CTBP2: variants seen among roughly 807,000 people sequenced by gnomAD.
The protein encoded by CTBP2 is C-terminal-binding protein 2.
A neutral mutation model predicts 80.3 loss-of-function variants in CTBP2; 30 were observed. The observed-to-expected ratio is 0.37, with a 90% CI of 0.28 to 0.51. The LOEUF (loss-of-function observed/expected upper bound fraction) is 0.51. Among genes scored for constraint, CTBP2 ranks in the 20% least tolerant of loss-of-function variants. The pLI, the probability that CTBP2 is intolerant of heterozygous loss-of-function variation, is 0.93. For missense variants in CTBP2, 1,212 were observed against 1,375.3 expected (o/e 0.88, Z 1.88); for synonymous variants, 594 against 587.4 (o/e 1.01, Z -0.16).
chr10:125,038,074 C>T (rs1055327502), intron 3 of CTBP2, among the ~76,000 whole-genome samples: 2 of 152,186 alleles, frequency 1.3e-5, no homozygotes, highest in Non-Finnish European at 2.9e-5. Context: ...GTTCTTGCAG[C>T]GCAGAGTTCT....
chr10:125,053,733 C>G (rs1019691932), intron 2 of CTBP2, among the ~76,000 whole-genome samples: 2 of 152,082 alleles, frequency 1.3e-5, no homozygotes, highest in South Asian at 4.1e-4. Context: ...AGCCCAGAGC[C>G]GAAGGTGTAG....
chr10:125,091,585 C>A (rs1041455504), intron 2 of CTBP2, among the ~76,000 whole-genome samples: 1 of 152,118 alleles, frequency 6.6e-6, no homozygotes, highest in Non-Finnish European at 1.5e-5. Context: ...CCAGTCTGGG[C>A]AACACAGGGA....
At chr10:125,156,720 T>C (rs539391455) in intron 1 of CTBP2, among the ~76,000 whole-genome samples, 1 of 152,340 alleles carries the variant, frequency 6.6e-6, no homozygotes, top group South Asian at 2.1e-4. Flanking sequence ...ACTCAGAAAC[T>C]AAAAAGTTGT....
chr10:125,111,325 GC>G (rs2135931002), intron 1 of CTBP2, among the ~76,000 whole-genome samples: 1 of 152,290 alleles, frequency 6.6e-6, no homozygotes, highest in African/African-American at 2.4e-5. Context: ...TTGACACAAA[GC>G]CAAGTGTGCA....
chr10:125,108,752 C>T (rs1352736666), intron 2 of CTBP2, among the ~76,000 whole-genome samples: 1 of 152,246 alleles, frequency 6.6e-6, no homozygotes, highest in African/African-American at 2.4e-5. Context: ...TGGGGCCACA[C>T]TCAGTGTGTG....
chr10:125,015,396 C>T (rs1318251882), intron 1 of CTBP2, among the ~76,000 whole-genome samples: 2 of 152,232 alleles, frequency 1.3e-5, no homozygotes, highest in East Asian at 1.9e-4. Flanking sequence ...AAATCAGTGA[C>T]AACCCCACAG....
intron 1 of CTBP2, among the ~76,000 whole-genome samples, chr10:125,117,973 G>C (rs947834729): frequency 1.3e-5 from 2 of 152,184 alleles, no homozygotes; most frequent in Non-Finnish European, 2.9e-5. Context: ...CTTTGTCAGA[G>C]AGTGTTTATG....
chr10:125,035,057 C>A (rs1564764790), intron 3 of CTBP2, among the ~76,000 whole-genome samples: 1 of 152,202 alleles, frequency 6.6e-6, no homozygotes, highest in South Asian at 2.1e-4. Flanking sequence ...CAAGTTCAAC[C>A]CACTGAGAAG....
intron 2 of CTBP2, among the ~76,000 whole-genome samples, chr10:125,045,224 C>A (rs1564790176): frequency 6.6e-6 from 1 of 152,110 alleles, no homozygotes; most frequent in Non-Finnish European, 1.5e-5. Context: ...CAAGCAGGCC[C>A]TCCCAGATCC....
rs557011501 is a variant in CTBP2 at position 125,148,461 on chromosome 10, A to G, written c.-206+11858T>C. Among the ~76,000 whole-genome samples, 10 of 152,328 alleles carry G rather than the reference A, an allele frequency of 6.6e-5. No homozygotes were observed. The South Asian group carries it at 2.1e-3, about 32-fold the overall frequency. Reference sequence around the variant, plus strand: ...TGCCCGCTGCTCTAGAAAACAAAAGAGAATTAGGAAAGTAAACTCCTTTTT... The same window carrying G: ...TGCCCGCTGCTCTAGAAAACAAAAGGGAATTAGGAAAGTAAACTCCTTTTT... On this transcript the variant is annotated intron_variant, in intron 1 of 10. Transcript: ENST00000337195.
At chr10:125,010,255 G>T (rs1955730350) in intron 1 of CTBP2, among the ~76,000 whole-genome samples, 1 of 142,892 alleles carries the variant, frequency 7.0e-6, no homozygotes, top group Admixed American at 7.1e-5. Context: ...AACTGCTATT[G>T]GAAATCTCAG....
At chr10:125,072,383 G>A (rs1279324033) in intron 2 of CTBP2, among the ~76,000 whole-genome samples, 1 of 152,200 alleles carries the variant, frequency 6.6e-6, no homozygotes, top group Admixed American at 6.5e-5. Context: ...GAGAGGCCAA[G>A]GTGGGTGAAT....
At chr10:125,139,198 C>T (rs940597637) in intron 1 of CTBP2, among the ~76,000 whole-genome samples, 1 of 151,712 alleles carries the variant, frequency 6.6e-6, no homozygotes, top group Non-Finnish European at 1.5e-5. Context: ...ATGGTGAAGC[C>T]CTGTCTCTAC....
At chr10:125,121,162 T>C (rs1317292694) in intron 1 of CTBP2, among the ~76,000 whole-genome samples, 1 of 152,200 alleles carries the variant, frequency 6.6e-6, no homozygotes, top group Non-Finnish European at 1.5e-5. Flanking sequence ...GAGAGTGTTC[T>C]CTCCCTCTGC....
upstream of CTBP2, chr10:125,160,994 C>T (rs1861836167): frequency 6.6e-6 from 1 of 150,502 alleles, no homozygotes. Flanking sequence ...GCTCCCGGTA[C>T]CCGCTGGCTG....
Position 124,991,110 on chromosome 10 carries a change from CA to C in CTBP2, c.2778-1413del, listed in dbSNP as rs1952550059. 5.9e-5 allele frequency among the ~76,000 whole-genome samples: 9 copies of C among 152,346 alleles called. No individual in the cohort carries two copies. The South Asian group carries it at 1.9e-3, about 32-fold the overall frequency. On this transcript the variant is annotated intron_variant, in intron 8 of 8. Transcript: ENST00000309035. ...CCAGGCTCGGGCTGGTTTTATATTG[CA>C]AGCACGAAGTGCTGTGTGAGGACAC... is the stretch of plus-strand genomic sequence containing the variant.
chr10:125,091,563 G>A (rs1378285826), intron 2 of CTBP2, among the ~76,000 whole-genome samples: 2 of 152,130 alleles, frequency 1.3e-5, no homozygotes, highest in East Asian at 1.9e-4. Flanking sequence ...ACATGAGCCC[G>A]GGAGTTTGAG....
intron 1 of CTBP2, among the ~76,000 whole-genome samples, chr10:125,008,925 G>T (rs12769682): frequency 1.3e-5 from 2 of 152,106 alleles, no homozygotes; most frequent in African/African-American, 2.4e-5. Flanking sequence ...CTTATTTGAA[G>T]GTGTTTTTAC....
intron 1 of CTBP2, among the ~76,000 whole-genome samples, chr10:125,155,607 G>A (rs923608066): frequency 2.0e-5 from 3 of 151,750 alleles, no homozygotes; most frequent in African/African-American, 7.3e-5. Flanking sequence ...GATCAAAAGG[G>A]CCACTGAACA....
Sources: allele counts gnomAD v4.1 joint callset (sites outside exome capture counted in the v4.1 genomes callset), GRCh38; gene constraint gnomAD v4.1.1; transcripts MANE v1.5; gene names NCBI Gene and HGNC (gene_info 2026-07-23, HGNC 2026-07-21).